Variants in AFMID observed in about 807,000 individuals in gnomAD.
The protein encoded by AFMID is kynurenine formamidase.
In AFMID, 39 loss-of-function variants were observed where a neutral mutation model predicts 47.5. That is an observed-to-expected ratio of 0.82 (90% CI 0.64 to 1.07). The LOEUF (loss-of-function observed/expected upper bound fraction) is 1.07. Among genes scored for constraint, AFMID ranks in the 50% least tolerant of loss-of-function variants. AFMID has a pLI of 0.00. For missense variants in AFMID, 375 were observed against 387.5 expected (o/e 0.97, Z 0.27); for synonymous variants, 130 against 153.2 (o/e 0.85, Z 1.12).
intron 10 of AFMID, among the ~76,000 whole-genome samples, chr17:78,206,533 AG>A (rs1175171000): frequency 6.6e-6 from 1 of 151,416 alleles, no homozygotes; most frequent in East Asian, 1.9e-4. Flanking sequence ...CAGCCTCTCG[AG>A]TAGCTGGGAC....
At chr17:78,206,675 TCTC>T (rs2076392610) in intron 10 of AFMID, among the ~76,000 whole-genome samples, 1 of 150,910 alleles carries the variant, frequency 6.6e-6, no homozygotes. Context: ...TCTTCTTTCT[TCTC>T]CTCCTCCCCC....
At chr17:78,190,810 GT>G (rs1197957512) in intron 1 of AFMID, 159 bp from the exon 2 acceptor site, 7 of 606,348 alleles carry the variant, frequency 1.2e-5, no homozygotes, top group Admixed American at 3.0e-5. Context: ...GCGGTCGCTG[GT>G]ATACCTCTAG....
At position 78,204,707 on chromosome 17, in the gene AFMID, C is replaced by G. The variant is rs368567722; in HGVS notation, c.360C>G (p.Ala120=). Residue 120 remains alanine, a synonymous_variant, in exon 5 of 11, where the codon GCC becomes GCG. Coordinates refer to ENST00000409257, the MANE Select transcript of AFMID (RefSeq NM_001010982.5). ...ACCCGCTGACGGCACAGGGAGTGGC[C>G]GTGGTAATAGTGGCTTACGGCATCG... ...MVHPLTAQGV[A]VVIVAYGIAP... 1.2e-6 allele frequency: 2 copies of G among 1,614,076 alleles called. No homozygotes were observed. The highest frequency in any genetic ancestry group is 1.3e-5 in the African/African-American group (1 of 75,024).
rs192622541 is a variant in AFMID at position 78,191,270 on chromosome 17, G to T, written c.154+210G>T. On this transcript the variant is annotated intron_variant, in intron 2 of 10. Transcript: ENST00000409257. ...CTACTGGAGGCAGGAGAGGTCCGGGGGAGGTCCACGGCTCAGTCGACCATG... is the reference window on the plus strand; with the variant it reads ...CTACTGGAGGCAGGAGAGGTCCGGGTGAGGTCCACGGCTCAGTCGACCATG... Among the ~76,000 whole-genome samples, 13 of 152,268 alleles carry T rather than the reference G, an allele frequency of 8.5e-5. No individual in the cohort carries two copies. The East Asian group carries it at 2.5e-3, about 29-fold the overall frequency.
At chr17:78,206,476 A>T (rs887832572) in intron 10 of AFMID, among the ~76,000 whole-genome samples, 19 of 151,554 alleles carry the variant, frequency 1.3e-4, no homozygotes, top group African/African-American at 4.4e-4. Flanking sequence ...ATAGTGGCAA[A>T]ATCTTAGCTC....
chr17:78,204,363 C>A (rs1256407840), intron 4 of AFMID, among the ~76,000 whole-genome samples: 5 of 152,122 alleles, frequency 3.3e-5, no homozygotes, highest in African/African-American at 9.7e-5. Context: ...TCGCTTGAGC[C>A]CAGGAGGTCG....
intron 2 of AFMID, among the ~76,000 whole-genome samples, chr17:78,198,639 CAAAA>C (rs57503318): frequency 1.7e-5 from 2 of 116,734 alleles, no homozygotes; most frequent in Non-Finnish European, 2.0e-5. Context: ...AGCTCTGTCT[CAAAA>C]AAAAAAAAAA....
intron 10 of AFMID, 72 bp from the exon 11 acceptor site, chr17:78,206,839 A>C: frequency 6.4e-7 from 1 of 1,569,780 alleles, no homozygotes; most frequent in Non-Finnish European, 8.8e-7. Context: ...GCCCTGTCTC[A>C]TTTCCTTAAT....
intron 10 of AFMID, among the ~76,000 whole-genome samples, chr17:78,206,399 C>T (rs1005091800): frequency 1.2e-4 from 18 of 149,564 alleles, no homozygotes; most frequent in African/African-American, 4.4e-4. Flanking sequence ...TAAGAAAGAC[C>T]ATCTTGTTTC....
intron 2 of AFMID, among the ~76,000 whole-genome samples, chr17:78,197,968 G>A (rs1599000564): frequency 6.6e-6 from 1 of 152,092 alleles, no homozygotes; most frequent in Admixed American, 6.6e-5. Context: ...TTAAAAATTA[G>A]CTGGGTGTGG....
chr17:78,188,622 A>C (rs1377252761), intron 1 of AFMID, among the ~76,000 whole-genome samples: 4 of 150,258 alleles, frequency 2.7e-5, no homozygotes. Flanking sequence ...TTTGAGACAG[A>C]GTCTCGCTCT....
intron 1 of AFMID, 91 bp downstream of exon 1, chr17:78,187,524 C>A: frequency 6.8e-7 from 1 of 1,466,042 alleles, no homozygotes; most frequent in South Asian, 1.1e-5. Context: ...TAGAAGCCGT[C>A]TAGAGCACTC....
chr17:78,189,012 G>A (rs1169628910), intron 1 of AFMID, among the ~76,000 whole-genome samples: 1 of 152,024 alleles, frequency 6.6e-6, no homozygotes, highest in Non-Finnish European at 1.5e-5. Context: ...GATTACAGGT[G>A]TGAGCCACTG....
At chr17:78,205,276 G>C in intron 7 of AFMID, 86 bp downstream of exon 7, 1 of 1,461,012 alleles carries the variant, frequency 6.8e-7, no homozygotes, top group South Asian at 1.2e-5. Context: ...AAATCCTCCC[G>C]GCCATGAGTG....
chr17:78,203,297 G>C (rs928519846), intron 4 of AFMID: 1 of 151,872 alleles, frequency 6.6e-6, no homozygotes, highest in Non-Finnish European at 1.5e-5. Context: ...CTGAGCTCAA[G>C]TGATCCTCCT....
chr17:78,201,790 G>A (rs1222019714), intron 2 of AFMID, among the ~76,000 whole-genome samples: 2 of 151,796 alleles, frequency 1.3e-5, no homozygotes, highest in Non-Finnish European at 2.9e-5. Context: ...GAGTGCAGTG[G>A]CGTGATCTCA....
chr17:78,204,524 C>G (rs1286030419), intron 4 of AFMID, 132 bp from the exon 5 acceptor site: 1 of 832,672 alleles, frequency 1.2e-6, no homozygotes, highest in African/African-American at 1.7e-5. Context: ...GTCCGCTTCA[C>G]TCTCTCACAT....
chr17:78,204,998 T>C (rs1333634270), intron 6 of AFMID, 95 bp from the exon 7 acceptor site: 2 of 1,571,290 alleles, frequency 1.3e-6, no homozygotes, highest in East Asian at 2.3e-5. Context: ...CCCTCTGGCC[T>C]GTGGAGCAGA....
At chr17:78,205,025 T>C in intron 6 of AFMID, 68 bp from the exon 7 acceptor site, 1 of 1,563,982 alleles carries the variant, frequency 6.4e-7, no homozygotes, top group African/African-American at 1.4e-5. Flanking sequence ...ATTGGGACTC[T>C]TCGAAGGGGG....
Sources: allele counts gnomAD v4.1 joint callset (sites outside exome capture counted in the v4.1 genomes callset), GRCh38; gene constraint gnomAD v4.1.1; transcripts MANE v1.5; gene names NCBI Gene and HGNC (gene_info 2026-07-23, HGNC 2026-07-21).